TACC2: variants seen among roughly 807,000 people sequenced by gnomAD.
The protein encoded by TACC2 is transforming acidic coiled-coil-containing protein 2.
A neutral mutation model predicts 227.3 loss-of-function variants in TACC2; 137 were observed. The observed-to-expected ratio is 0.60, with a 90% CI of 0.52 to 0.69. The LOEUF is 0.69. Ranked by LOEUF, TACC2 falls within the 30% of genes least tolerant of loss-of-function variation. The pLI is 0.00. For synonymous variants in TACC2, 1,523 were observed against 1,487.5 expected (o/e 1.02, Z -0.55); for missense variants, 3,470 against 3,694.4 (o/e 0.94, Z 1.57).
chr10:122,095,614 C>CTAA (rs1215881080), intron 5 of TACC2, among the ~76,000 whole-genome samples: 1 of 152,166 alleles, frequency 6.6e-6, no homozygotes, highest in Non-Finnish European at 1.5e-5. Context: ...GGTCAAAAAG[C>CTAA]TAATAAGAGT....
rs146123247 is a variant in TACC2, at chr10:122,156,227, C to CT, written c.5834+12535dup. Among the ~76,000 whole-genome samples, 1,028 of 133,598 alleles carry CT rather than the reference C, an allele frequency of 7.7e-3. 8 individuals carry two copies. The highest frequency in any genetic ancestry group is 0.02 in the African/African-American group (737 of 36,428). 87.6% of individuals were successfully genotyped at this position (133,598 alleles called of 152,430 possible). On this transcript the variant is annotated intron_variant, in intron 7 of 22. Transcript: ENST00000369005. ...TATTTTAGATTTAACAAAATGTAGACTTTTTTTTTTTTTTGAGACAGAGTC... is the reference window on the plus strand; with the variant it reads ...TATTTTAGATTTAACAAAATGTAGACTTTTTTTTTTTTTTTGAGACAGAGTC...
intron 2 of TACC2, among the ~76,000 whole-genome samples, chr10:122,034,134 A>T (rs1311564223): frequency 1.4e-5 from 2 of 138,360 alleles, no homozygotes; most frequent in Non-Finnish European, 3.1e-5. Flanking sequence ...CCTGGGTGAC[A>T]GAGTGAGACT....
chr10:122,119,346 C>T (rs1212364769), intron 5 of TACC2, among the ~76,000 whole-genome samples: 2 of 152,156 alleles, frequency 1.3e-5, no homozygotes, highest in Non-Finnish European at 2.9e-5. Context: ...GATCTATGTC[C>T]AGAGTCTGTG....
intron 6 of TACC2, among the ~76,000 whole-genome samples, chr10:122,135,772 C>T (rs964472747): frequency 1.3e-5 from 2 of 152,208 alleles, no homozygotes; most frequent in Non-Finnish European, 2.9e-5. Context: ...CAGAGCTGCC[C>T]AGCACACACG....
At chr10:122,004,243 C>T (rs1407088208) in intron 1 of TACC2, among the ~76,000 whole-genome samples, 1 of 151,814 alleles carries the variant, frequency 6.6e-6, no homozygotes, top group African/African-American at 2.4e-5. Context: ...ACTAAAAATA[C>T]AAAAATTAGT....
intron 5 of TACC2, among the ~76,000 whole-genome samples, chr10:122,119,923 GAA>G (rs66901536): frequency 4.6e-4 from 51 of 109,854 alleles, no homozygotes; most frequent in African/African-American, 3.2e-4. Flanking sequence ...CTTCTCAAAA[GAA>G]AAAAAAAAAA....
At chr10:122,114,223 GCT>G (rs1434572466) in intron 5 of TACC2, among the ~76,000 whole-genome samples, 6 of 152,160 alleles carry the variant, frequency 3.9e-5, no homozygotes, top group Non-Finnish European at 7.3e-5. Flanking sequence ...GGAAGGTGCG[GCT>G]CTGTTACCGG....
chr10:122,200,088 C>T (rs1418602738), intron 8 of TACC2, among the ~76,000 whole-genome samples: 3 of 152,240 alleles, frequency 2.0e-5, no homozygotes, highest in South Asian at 2.1e-4. Context: ...GATCTGGCTG[C>T]CACAGGCACT....
chr10:122,038,647 G>C (rs1241395871), intron 2 of TACC2, among the ~76,000 whole-genome samples: 1 of 152,186 alleles, frequency 6.6e-6, no homozygotes, highest in East Asian at 1.9e-4. Flanking sequence ...CTCCTGCTGG[G>C]AGAGCTTTCT....
In TACC2 at chr10:122,067,983, A is replaced by G. The variant is rs1373581429; in HGVS notation, c.147-14664A>G. 2.0e-5 allele frequency among the ~76,000 whole-genome samples: 3 copies of G among 152,156 alleles called. No homozygotes were observed. In the East Asian group the frequency reaches 5.8e-4, roughly 29 times the overall value. The stretch of plus-strand genomic sequence containing the variant: ...GTTACTTGAATTTGTCTCACAGCTC[A>G]CTGATGCTTTTTTGTTGTTGTTGTT... On this transcript the variant is annotated intron_variant, in intron 3 of 22. Transcript: ENST00000369005.
At chr10:122,068,853 G>C (rs2459072) in intron 3 of TACC2, among the ~76,000 whole-genome samples, 101,715 of 132,882 alleles carry the variant, frequency 0.77, 36,693 homozygotes, top group Non-Finnish European at 0.82. Flanking sequence ...TGACCTAGAA[G>C]TTTTTTTTTT....
intron 5 of TACC2, among the ~76,000 whole-genome samples, chr10:122,125,981 G>T (rs1464517420): frequency 6.6e-6 from 1 of 151,726 alleles, no homozygotes; most frequent in Non-Finnish European, 1.5e-5. Context: ...GTTTCACCAT[G>T]TTGGCCAGGA....
At chr10:122,196,254 C>T (rs572571176) in intron 8 of TACC2, among the ~76,000 whole-genome samples, 5 of 152,166 alleles carry the variant, frequency 3.3e-5, no homozygotes, top group African/African-American at 4.8e-5. Flanking sequence ...TCGAGCAGCC[C>T]GTTGTTTTGG....
At chr10:122,133,444 C>T (rs1484576116) in intron 6 of TACC2, among the ~76,000 whole-genome samples, 4 of 152,160 alleles carry the variant, frequency 2.6e-5, no homozygotes. Context: ...CATATATAGG[C>T]ACACATGGAC....
intron 5 of TACC2, among the ~76,000 whole-genome samples, chr10:122,105,421 G>A (rs1239693713): frequency 4.6e-5 from 7 of 152,096 alleles, no homozygotes; most frequent in Non-Finnish European, 1.5e-5. Flanking sequence ...TTGATCCAGT[G>A]GGGCAGAAGT....
At chr10:122,183,373 G>A (rs2094046475) in intron 7 of TACC2, among the ~76,000 whole-genome samples, 1 of 152,144 alleles carries the variant, frequency 6.6e-6, no homozygotes, top group African/African-American at 2.4e-5. Context: ...TGATGGTGTT[G>A]CCCTTTGCCC....
intron 16 of TACC2, among the ~76,000 whole-genome samples, chr10:122,233,926 G>T (rs1011014842): frequency 6.6e-6 from 1 of 152,202 alleles, no homozygotes; most frequent in Admixed American, 6.5e-5. Flanking sequence ...GGATGGGGCA[G>T]CACCCAGCGG....
intron 5 of TACC2, among the ~76,000 whole-genome samples, chr10:122,117,817 G>C (rs139431763): frequency 7.2e-4 from 110 of 152,230 alleles, no homozygotes; most frequent in East Asian, 5.8e-4. Context: ...TGTTCCCCCA[G>C]TGGGGCACAT....
At chr10:122,091,527 C>T (rs535962834) in intron 5 of TACC2, among the ~76,000 whole-genome samples, 1 of 152,268 alleles carries the variant, frequency 6.6e-6, no homozygotes, top group South Asian at 2.1e-4. Flanking sequence ...TTGGCCTTCC[C>T]TGTGCTTTAG....
Sources: gnomAD v4.1 joint callset for allele counts (sites outside exome capture counted in the v4.1 genomes callset) on GRCh38, gnomAD v4.1.1 for gene constraint, MANE v1.5 for transcripts, NCBI Gene and HGNC (gene_info 2026-07-23, HGNC 2026-07-21) for gene names.